The following GPD2 variants were observed in gnomAD, a reference collection of about 807,000 sequenced individuals.
The protein encoded by GPD2 is glycerol-3-phosphate dehydrogenase, mitochondrial.
Under a neutral mutation model 82.4 loss-of-function variants are expected in GPD2, and 54 were observed. The ratio of observed to expected loss-of-function variants is 0.66; its 90% CI spans 0.53 to 0.82. The LOEUF is 0.82. GPD2 is among the 40% of genes least tolerant of loss of function. The pLI is 0.00. For missense variants in GPD2, 748 were observed against 896.2 expected (o/e 0.83, Z 2.11); for synonymous variants, 288 against 306.1 (o/e 0.94, Z 0.62).
intron 9 of GPD2, among the ~76,000 whole-genome samples, chr2:156,568,399 G>A (rs1433585897): frequency 6.6e-6 from 1 of 152,064 alleles, no homozygotes; most frequent in African/African-American, 2.4e-5. Context: ...ATTTAATAAG[G>A]ATCTTTGTCT....
chr2:156,509,044 TA>T (rs1386294816), intron 3 of GPD2, among the ~76,000 whole-genome samples: 1 of 152,188 alleles, frequency 6.6e-6, no homozygotes, highest in African/African-American at 2.4e-5. Flanking sequence ...TATGTACTAA[TA>T]TTTTTCTGTG....
At chr2:156,572,814 A>C (rs1048705943) in intron 13 of GPD2, among the ~76,000 whole-genome samples, 1 of 152,194 alleles carries the variant, frequency 6.6e-6, no homozygotes, top group Non-Finnish European at 1.5e-5. Flanking sequence ...AGTATATCTT[A>C]GTTCATTTGG....
intron 2 of GPD2, among the ~76,000 whole-genome samples, chr2:156,481,052 C>T (rs1045191097): frequency 6.6e-5 from 10 of 151,952 alleles, no homozygotes; most frequent in African/African-American, 2.2e-4. Flanking sequence ...AACAAAAAGG[C>T]CAAGAGCGTT....
rs886991834 is a variant in GPD2, at chr2:156,571,100, C to G, written c.1609-34C>G. 5.9e-6 allele frequency: 8 copies of G among 1,359,072 alleles called. No individual in the cohort carries two copies. In the East Asian group the frequency reaches 1.8e-4, roughly 31 times the overall value. 84.2% of individuals were successfully genotyped at this position (1,359,072 alleles called of 1,614,324 possible). On this transcript the variant is annotated intron_variant, in intron 12 of 16. Coordinates refer to ENST00000438166, the MANE Select transcript of GPD2 (RefSeq NM_000408.5). ...TATTTCTCATTTTCTAAAGAAGAGT[C>G]TCAACTAATAATTTTTCTTTAATTC... is the stretch of plus-strand genomic sequence containing the variant.
the GPD2 span, among the ~76,000 whole-genome samples, chr2:156,429,954 T>A: frequency 6.6e-6 from 1 of 152,244 alleles, no homozygotes; most frequent in Non-Finnish European, 1.5e-5. Flanking sequence ...TGTTTATTGG[T>A]AAGTAGTAAA....
chr2:156,442,658 A>T (rs1374154107), intron 1 of GPD2, among the ~76,000 whole-genome samples: 3 of 152,086 alleles, frequency 2.0e-5, no homozygotes, highest in South Asian at 2.1e-4. Context: ...AAAATAAAAA[A>T]TAAGCTGCGT....
At chr2:156,428,543 C>A in the GPD2 span, among the ~76,000 whole-genome samples, 1 of 152,220 alleles carries the variant, frequency 6.6e-6, no homozygotes, top group East Asian at 1.9e-4. Flanking sequence ...TGCCCTGACA[C>A]CAGTTTCTAG....
the GPD2 span, among the ~76,000 whole-genome samples, chr2:156,400,815 C>A: frequency 6.6e-6 from 1 of 152,182 alleles, no homozygotes; most frequent in Non-Finnish European, 1.5e-5. Flanking sequence ...TGTGTGAGGT[C>A]CCGGGTTCAA....
chr2:156,495,356 A>T (rs1684330513), intron 2 of GPD2, among the ~76,000 whole-genome samples: 1 of 152,198 alleles, frequency 6.6e-6, no homozygotes, highest in Non-Finnish European at 1.5e-5. Flanking sequence ...TATCAAAAAA[A>T]TCCAACAAAC....
intron 8 of GPD2, among the ~76,000 whole-genome samples, chr2:156,553,242 T>C (rs1446585147): frequency 6.6e-6 from 1 of 152,136 alleles, no homozygotes; most frequent in Non-Finnish European, 1.5e-5. Flanking sequence ...ATCCTTGGAT[T>C]ATTTTTTCTC....
chr2:156,552,460 G>C (rs767412977), intron 8 of GPD2, among the ~76,000 whole-genome samples: 1 of 152,102 alleles, frequency 6.6e-6, no homozygotes, highest in Non-Finnish European at 1.5e-5. Context: ...AATATCTAAG[G>C]CCAGCTAGTT....
intron 1 of GPD2, among the ~76,000 whole-genome samples, chr2:156,451,860 T>C (rs1448729942): frequency 7.7e-6 from 1 of 129,572 alleles, no homozygotes; most frequent in Non-Finnish European, 1.6e-5. Context: ...GGGCGGAGGG[T>C]CTCCTCACTT....
the GPD2 span, among the ~76,000 whole-genome samples, chr2:156,425,239 C>T: frequency 1.3e-5 from 2 of 152,144 alleles, no homozygotes; most frequent in Non-Finnish European, 2.9e-5. Flanking sequence ...GCTGGGATTA[C>T]AGGTGCATAC....
intron 1 of GPD2, among the ~76,000 whole-genome samples, chr2:156,458,826 T>G (rs1298874013): frequency 1.3e-5 from 2 of 152,110 alleles, no homozygotes; most frequent in African/African-American, 4.8e-5. Context: ...TTTTTTCTAA[T>G]TACAAGAATA....
At chr2:156,512,052 T>G (rs924382667) in intron 4 of GPD2, among the ~76,000 whole-genome samples, 168 bp from the exon 5 acceptor site, 1 of 152,200 alleles carries the variant, frequency 6.6e-6, no homozygotes, top group East Asian at 1.9e-4. Flanking sequence ...AAAAAATCTT[T>G]GAGGTTGACA....
intron 1 of GPD2, among the ~76,000 whole-genome samples, chr2:156,450,918 G>T (rs1357084794): frequency 2.3e-5 from 3 of 130,528 alleles, no homozygotes; most frequent in African/African-American, 8.7e-5. Flanking sequence ...ATCTTGCACC[G>T]CCCTTAATCC....
At chr2:156,577,103 TTTTGTTA>T (rs1219748523) in intron 13 of GPD2, among the ~76,000 whole-genome samples, 5 of 152,212 alleles carry the variant, frequency 3.3e-5, no homozygotes, top group Non-Finnish European at 7.3e-5. Context: ...TAATTTTTAA[TTTTGTTA>T]TTTAAGAACA....
intron 8 of GPD2, among the ~76,000 whole-genome samples, chr2:156,556,933 C>T (rs1686984450): frequency 6.6e-6 from 1 of 152,206 alleles, no homozygotes; most frequent in South Asian, 2.1e-4. Context: ...CTGAGAATTT[C>T]TACTGAGCGA....
At chr2:156,509,677 T>A (rs1684914555) in intron 3 of GPD2, among the ~76,000 whole-genome samples, 1 of 151,776 alleles carries the variant, frequency 6.6e-6, no homozygotes, top group Non-Finnish European at 1.5e-5. Flanking sequence ...CTAGGAGATC[T>A]ATAACAGCCC....
Sources: gnomAD v4.1 joint callset for allele counts (sites outside exome capture counted in the v4.1 genomes callset) on GRCh38, gnomAD v4.1.1 for gene constraint, MANE v1.5 for transcripts, NCBI Gene and HGNC (gene_info 2026-07-23, HGNC 2026-07-21) for gene names.